The following FAM83A variants were observed in gnomAD, a reference collection of about 807,000 sequenced individuals.
FAM83A encodes scaffolding CK1 anchoring protein A, also known as protein FAM83A.
Under a neutral mutation model 24.4 loss-of-function variants are expected in FAM83A, and 21 were observed. The observed-to-expected ratio is 0.86, with a 90% CI of 0.61 to 1.24. The LOEUF is 1.24. Among genes scored for constraint, FAM83A ranks in the 50% most tolerant of loss-of-function variants. The pLI is 0.00. For missense variants in FAM83A, 617 were observed against 579.8 expected, an observed-to-expected ratio of 1.06 and a Z score of -0.66; for synonymous variants, 270 against 252.4, an observed-to-expected ratio of 1.07 and a Z score of -0.66.
upstream of FAM83A, chr8:123,179,600 G>C (rs1182572209): frequency 6.6e-6 from 1 of 152,222 alleles, no homozygotes; most frequent in African/African-American, 2.4e-5. Flanking sequence ...GTCTGCCAGG[G>C]AAGGAGGATG....
chr8:123,181,170 C>T (rs543524702), upstream of FAM83A, among the ~76,000 whole-genome samples: 13 of 152,276 alleles, frequency 8.5e-5, 1 homozygote, highest in African/African-American at 3.1e-4. Flanking sequence ...TGGTCTTGAA[C>T]TCCTGACCTC....
At chr8:123,203,274 A>G (rs532505182) in intron 3 of FAM83A, among the ~76,000 whole-genome samples, 5 of 152,052 alleles carry the variant, frequency 3.3e-5, no homozygotes, top group Admixed American at 2.6e-4. Flanking sequence ...CTATATTACA[A>G]TTAAGAATGT....
chr8:123,197,484 C>T (rs774174364), intron 3 of FAM83A, among the ~76,000 whole-genome samples: 4 of 152,198 alleles, frequency 2.6e-5, no homozygotes, highest in African/African-American at 9.7e-5. Context: ...CGAGCTGTAG[C>T]GTGTTTCAGT....
chr8:123,191,869 A>G, exon 2 of FAM83A: 1 of 1,614,136 alleles, frequency 6.2e-7, no homozygotes, highest in Non-Finnish European at 8.5e-7. Flanking sequence ...AGAGGCAGCC[A>G]ACAAGCGTGG....
intron 2 of FAM83A, 140 bp from the exon 3 acceptor site, chr8:123,193,884 C>T: frequency 1.9e-6 from 2 of 1,054,486 alleles, no homozygotes; most frequent in Non-Finnish European, 1.3e-6. Flanking sequence ...CCCAAAGGCC[C>T]CACCTTCTAG....
intron 1 of FAM83A, among the ~76,000 whole-genome samples, chr8:123,183,689 T>A (rs1224553045): frequency 6.7e-6 from 1 of 149,854 alleles, no homozygotes; most frequent in African/African-American, 2.5e-5. Flanking sequence ...CTTTCTTTTT[T>A]TTTTTCTTTT....
At chr8:123,182,103 C>A (rs1039838183), upstream of FAM83A, 4 of 456,180 alleles carry the variant, frequency 8.8e-6, no homozygotes, top group South Asian at 3.1e-5. Context: ...TTCCAAGAAG[C>A]CACTTCCAGC....
chr8:123,194,160 A>C lies in FAM83A; in HGVS notation c.773+12A>C, dbSNP rs756014491. On this transcript the variant is annotated intron_variant, in intron 3 of 3. Transcript: ENST00000690554. ...TCTGGATCTTACAGGTGAGCCTTGG[A>C]TTCATCTCCTGTCAAGGATTCATGG... 6.2e-7 allele frequency: 1 copy of C among 1,613,348 alleles called. No individual in the cohort carries two copies. Among genetic ancestry groups the C allele is most frequent in the East Asian group, 2.2e-5 (1 of 44,884 alleles).
exon 4 of FAM83A, chr8:123,208,417 G>A (rs2131114816): frequency 1.0e-6 from 1 of 985,592 alleles, no homozygotes; most frequent in East Asian, 1.1e-4. Context: ...CTGGCCTGGA[G>A]GTCCCTGGAG....
chr8:123,183,326 G>A (rs771884339), exon 1 of FAM83A: 14 of 1,611,036 alleles, frequency 8.7e-6, no homozygotes, highest in South Asian at 7.7e-5. Flanking sequence ...TGCATCACCC[G>A]GACTAGCCAG....
At position 123,191,971 on chromosome 8, in the gene FAM83A, G is replaced by A. The variant is rs1179500203; in HGVS notation, c.648+1G>A. The A allele has an allele frequency of 8.7e-6, 14 of 1,613,888 alleles. No homozygotes were observed. Among genetic ancestry groups the A allele is most frequent in the East Asian group, 2.2e-5 (1 of 44,902 alleles). Reference sequence around the variant, plus strand: ...CCAGATCTCTGACAGTCACCTCAAGGTAGGGGCCCCAATGAGAGTCCTAAG... The same window carrying A: ...CCAGATCTCTGACAGTCACCTCAAGATAGGGGCCCCAATGAGAGTCCTAAG... On this transcript the variant is annotated splice_donor_variant, in intron 2 of 3. Transcript: ENST00000690554. LOFTEE classifies it high-confidence loss of function.
At chr8:123,197,854 G>C (rs1258431768) in intron 3 of FAM83A, among the ~76,000 whole-genome samples, 1 of 152,224 alleles carries the variant, frequency 6.6e-6, no homozygotes. Flanking sequence ...TCTGGGCCGG[G>C]TGCAGTGGCT....
chr8:123,193,813 G>A (rs1824055932), intron 2 of FAM83A, among the ~76,000 whole-genome samples: 1 of 152,162 alleles, frequency 6.6e-6, no homozygotes, highest in Non-Finnish European at 1.5e-5. Context: ...AGATCTCTAG[G>A]CCTCCTTTAT....
chr8:123,201,180 A>G (rs1246955622), intron 3 of FAM83A: 1 of 152,084 alleles, frequency 6.6e-6, no homozygotes, highest in Non-Finnish European at 1.5e-5. Context: ...ACAGACTTTA[A>G]TAAGGATTTA....
At chr8:123,204,810 A>G (rs1197060125) in intron 3 of FAM83A, among the ~76,000 whole-genome samples, 1 of 150,944 alleles carries the variant, frequency 6.6e-6, no homozygotes, top group African/African-American at 2.4e-5. Flanking sequence ...GGCTGTGATC[A>G]AAAGTATAAA....
chr8:123,202,715 G>A (rs1824403674), intron 3 of FAM83A: 1 of 152,548 alleles, frequency 6.6e-6, no homozygotes, highest in African/African-American at 2.4e-5. Context: ...TCCATTAGCG[G>A]GGTGTGAAAT....
Position 123,183,351 on chromosome 8 carries a change from G to GC in FAM83A, c.480+19dup. On this transcript the variant is annotated intron_variant, in intron 1 of 3. Coordinates refer to ENST00000690554, the Ensembl canonical transcript of FAM83A. The stretch of plus-strand genomic sequence containing the variant: ...GGACTAGCCAGGTACCGATGGCAAA[G>GC]CCCCTGTCTCCGTGGCCAAGTAGCA... The GC allele has an allele frequency of 1.3e-6, 2 of 1,599,912 alleles. No individual in the cohort carries two copies. The highest frequency in any genetic ancestry group is 1.7e-6 in the Non-Finnish European group (2 of 1,171,268).
exon 1 of FAM83A, chr8:123,182,891 A>T: frequency 2.6e-6 from 4 of 1,524,314 alleles, no homozygotes; most frequent in Non-Finnish European, 3.5e-6. Context: ...AAAATCCGGA[A>T]GCGTCTGGAA....
upstream of FAM83A, chr8:123,182,210 T>C (rs1255566530): frequency 4.6e-6 from 2 of 434,894 alleles, no homozygotes; most frequent in Admixed American, 4.8e-5. Flanking sequence ...AGCTCCTTCA[T>C]AGGGCAGGGA....
Sources: gnomAD v4.1 joint callset for allele counts (sites outside exome capture counted in the v4.1 genomes callset) on GRCh38, gnomAD v4.1.1 for gene constraint, MANE v1.5 for transcripts, NCBI Gene and HGNC (gene_info 2026-07-23, HGNC 2026-07-21) for gene names.